RAB3C: variants seen among roughly 807,000 people sequenced by gnomAD.
RAB3C encodes ras-related protein Rab-3C.
RAB3C carries 17 observed loss-of-function variants against 26.4 expected under a neutral mutation model. The observed-to-expected ratio is 0.64, with a 90% CI of 0.44 to 0.97. RAB3C has a LOEUF of 0.97. Among genes scored for constraint, RAB3C ranks in the 50% least tolerant of loss-of-function variants. The pLI is 0.00. For synonymous variants in RAB3C, 91 were observed against 95.9 expected, an observed-to-expected ratio of 0.95 and a Z score of 0.30; for missense variants, 242 against 281.9, an observed-to-expected ratio of 0.86 and a Z score of 1.01.
intron 3 of RAB3C, among the ~76,000 whole-genome samples, chr5:58,821,083 G>T (rs1743330197): frequency 6.6e-6 from 1 of 152,120 alleles, no homozygotes; most frequent in East Asian, 1.9e-4. Context: ...GGATGTACTG[G>T]CCCAGGTCAG....
At chr5:58,710,799 A>G (rs1488751200) in intron 2 of RAB3C, among the ~76,000 whole-genome samples, 1 of 152,102 alleles carries the variant, frequency 6.6e-6, no homozygotes, top group East Asian at 1.9e-4. Flanking sequence ...TCTATGGCGT[A>G]CATGATGAGA....
chr5:58,598,490 ACT>A (rs1337340214), intron 1 of RAB3C, among the ~76,000 whole-genome samples: 1 of 151,900 alleles, frequency 6.6e-6, no homozygotes, highest in Non-Finnish European at 1.5e-5. Flanking sequence ...TAGACATGAA[ACT>A]CAGCTCTCTC....
chr5:58,665,488 A>G (rs1050562120), intron 2 of RAB3C, among the ~76,000 whole-genome samples: 1 of 152,174 alleles, frequency 6.6e-6, no homozygotes, highest in African/African-American at 2.4e-5. Context: ...ATCAGAAAAC[A>G]CTACATCTTG....
At chr5:58,828,130 C>T (rs55695437) in intron 4 of RAB3C, among the ~76,000 whole-genome samples, 8,283 of 152,222 alleles carry the variant, frequency 0.054, 293 homozygotes, top group Non-Finnish European at 0.082. Flanking sequence ...TGGCAGCTGT[C>T]GGTCGCAATC....
intron 2 of RAB3C, among the ~76,000 whole-genome samples, chr5:58,648,217 C>T (rs1747568807): frequency 1.3e-5 from 2 of 152,142 alleles, no homozygotes; most frequent in Non-Finnish European, 2.9e-5. Context: ...AGGTTGGCCT[C>T]CCTAATTGCG....
chr5:58,832,766 A>T (rs1516429), intron 4 of RAB3C, among the ~76,000 whole-genome samples: 1 of 152,112 alleles, frequency 6.6e-6, no homozygotes, highest in African/African-American at 2.4e-5. Flanking sequence ...CTCCCTAGGC[A>T]TAATAAATAG....
At chr5:58,619,865 T>A (rs1579820934) in intron 2 of RAB3C, among the ~76,000 whole-genome samples, 1 of 81,976 alleles carries the variant, frequency 1.2e-5, no homozygotes, top group South Asian at 4.3e-4. Context: ...TTCACTCACC[T>A]TTTTTTTTTG....
chr5:58,622,443 A>G (rs1281791114), intron 2 of RAB3C, among the ~76,000 whole-genome samples: 1 of 152,184 alleles, frequency 6.6e-6, no homozygotes, highest in Non-Finnish European at 1.5e-5. Flanking sequence ...ATCTAAAAAT[A>G]AAAGACATGG....
chr5:58,622,110 T>A (rs1253975092), intron 2 of RAB3C, among the ~76,000 whole-genome samples: 2 of 152,132 alleles, frequency 1.3e-5, no homozygotes, highest in African/African-American at 4.8e-5. Context: ...CAGGAAAGAA[T>A]GGGAGGGTCA....
chr5:58,665,194 A>C (rs957669826), intron 2 of RAB3C, among the ~76,000 whole-genome samples: 3 of 152,124 alleles, frequency 2.0e-5, no homozygotes, highest in Non-Finnish European at 2.9e-5. Context: ...CTTTATGAGA[A>C]CATTTGTGTG....
At chr5:58,775,932 G>T (rs1742129460) in intron 3 of RAB3C, among the ~76,000 whole-genome samples, 1 of 152,022 alleles carries the variant, frequency 6.6e-6, no homozygotes, top group Non-Finnish European at 1.5e-5. Flanking sequence ...ACATTCTATT[G>T]CTCACATTTT....
At position 58,857,699 on chromosome 5, in the gene RAB3C, C is replaced by T. The variant is rs1744296053; in HGVS notation, c.*6348C>T. 1 of 152,276 alleles carries T rather than the reference C, an allele frequency of 6.6e-6. No homozygotes were observed. Among genetic ancestry groups the T allele is most frequent in the East Asian group, 1.9e-4 (1 of 5,184 alleles). The allele number at this position is 152,276 out of a possible 1,614,324, so 9.4% of individuals were successfully genotyped here. ...TAGGTTGTAGCTAATGTTGTATTCA[C>T]TTTCAATTCTCAGTTGTCCACACTG... On this transcript the variant is annotated 3_prime_UTR_variant, in exon 5 of 5. Transcript: ENST00000282878.
At chr5:58,675,668 G>T (rs548608951) in intron 2 of RAB3C, among the ~76,000 whole-genome samples, 1 of 136,596 alleles carries the variant, frequency 7.3e-6, no homozygotes, top group Non-Finnish European at 1.5e-5. Flanking sequence ...CTAAAGGAAA[G>T]TCTCTCAAAA....
chr5:58,582,347 A>G, upstream of RAB3C: 1 of 973,488 alleles, frequency 1.0e-6, no homozygotes, highest in South Asian at 4.8e-5. Flanking sequence ...GTAGAGCCCT[A>G]ACCTCCTTTG....
chr5:58,689,496 T>C (rs1350032755), intron 2 of RAB3C, among the ~76,000 whole-genome samples: 1 of 152,112 alleles, frequency 6.6e-6, no homozygotes, highest in Admixed American at 6.6e-5. Context: ...TTTTATTTTA[T>C]TTACTGTAGA....
chr5:58,828,902 T>C (rs1210107497), intron 4 of RAB3C, among the ~76,000 whole-genome samples: 8 of 113,206 alleles, frequency 7.1e-5, no homozygotes, highest in African/African-American at 1.1e-4. Flanking sequence ...TTTACCATGC[T>C]TTTTTTTTTT....
At chr5:58,733,084 A>G (rs1170765221) in intron 3 of RAB3C, among the ~76,000 whole-genome samples, 1 of 152,170 alleles carries the variant, frequency 6.6e-6, no homozygotes, top group African/African-American at 2.4e-5. Context: ...GTTACAAGTT[A>G]TAAAACTGCT....
At chr5:58,657,696 C>A (rs993070227) in intron 2 of RAB3C, among the ~76,000 whole-genome samples, 2 of 152,094 alleles carry the variant, frequency 1.3e-5, no homozygotes, top group Non-Finnish European at 2.9e-5. Context: ...TGATTTTATT[C>A]TAAGTGCCAA....
At chr5:58,846,754 AC>A (rs1200344500) in intron 4 of RAB3C, 1 of 151,854 alleles carries the variant, frequency 6.6e-6, no homozygotes, top group African/African-American at 2.4e-5. Context: ...GCCGTTTGTC[AC>A]TAGAGTGTAG....
Sources: gnomAD v4.1 joint callset for allele counts (sites outside exome capture counted in the v4.1 genomes callset) on GRCh38, gnomAD v4.1.1 for gene constraint, MANE v1.5 for transcripts, NCBI Gene and HGNC (gene_info 2026-07-23, HGNC 2026-07-21) for gene names.